CCBE1: variants seen among roughly 807,000 people sequenced by gnomAD.
The protein encoded by CCBE1 is collagen and calcium-binding EGF domain-containing protein 1.
Under a neutral mutation model 50.0 loss-of-function variants are expected in CCBE1, and 37 were observed. The ratio of observed to expected loss-of-function variants is 0.74; its 90% CI spans 0.57 to 0.97. CCBE1 has a LOEUF of 0.97. CCBE1 is among the 50% of genes least tolerant of loss of function. The probability of loss-of-function intolerance (pLI) is 0.00; values close to 1 mark genes in which losing one functional copy is unlikely to be tolerated. For synonymous variants in CCBE1, 234 were observed against 203.7 expected (o/e 1.15, Z -1.27); for missense variants, 538 against 523.8 (o/e 1.03, Z -0.26).
chr18:59,514,037 G>A (rs1306849534), intron 2 of CCBE1, among the ~76,000 whole-genome samples: 1 of 152,136 alleles, frequency 6.6e-6, no homozygotes, highest in Non-Finnish European at 1.5e-5. Flanking sequence ...CTTGCATGGG[G>A]CCGTGGCTTT....
At chr18:59,477,801 T>A (rs1912384238) in intron 3 of CCBE1, among the ~76,000 whole-genome samples, 1 of 152,178 alleles carries the variant, frequency 6.6e-6, no homozygotes, top group Non-Finnish European at 1.5e-5. Context: ...CAGATGAACA[T>A]ACAACTTTGT....
intron 2 of CCBE1, among the ~76,000 whole-genome samples, chr18:59,562,399 C>T (rs1447296986): frequency 1.3e-5 from 2 of 152,198 alleles, no homozygotes; most frequent in Non-Finnish European, 1.5e-5. Context: ...CAAACTGGTA[C>T]ACTTCAGAGA....
intron 2 of CCBE1, among the ~76,000 whole-genome samples, chr18:59,617,444 G>T (rs566319289): frequency 2.0e-5 from 3 of 152,304 alleles, no homozygotes; most frequent in East Asian, 1.9e-4. Context: ...TTGCCCAAAG[G>T]TCAGCTTAGA....
At position 59,469,702 on chromosome 18, in the gene CCBE1, C is replaced by T; in HGVS notation, c.266-95G>A. On this transcript the variant is annotated intron_variant, in intron 3 of 10. Transcript: ENST00000439986. ...AGGACTTTCTGGGCTGGGCTCTGCT[C>T]AAGGGCACGTGTGAAGTGTGGACAG... 7.9e-6 allele frequency: 12 copies of T among 1,523,910 alleles called. 1 individual carries two copies. The South Asian group carries it at 1.1e-4, about 14-fold the overall frequency. 94.4% of individuals were successfully genotyped at this position (1,523,910 alleles called of 1,614,324 possible).
At chr18:59,446,887 C>T (rs1404761401) in intron 7 of CCBE1, among the ~76,000 whole-genome samples, 2 of 152,160 alleles carry the variant, frequency 1.3e-5, no homozygotes, top group Non-Finnish European at 2.9e-5. Context: ...ATTCATAATG[C>T]CTAGCACACT....
At chr18:59,585,703 G>A (rs1488262940) in intron 2 of CCBE1, among the ~76,000 whole-genome samples, 1 of 152,202 alleles carries the variant, frequency 6.6e-6, no homozygotes, top group Non-Finnish European at 1.5e-5. Flanking sequence ...CTGGCACCCT[G>A]ATCCACTCCT....
Position 59,435,864 on chromosome 18 carries a change from G to A in CCBE1, c.*44C>T, listed in dbSNP as rs1217748682. 1.0e-5 allele frequency: 16 copies of A among 1,524,448 alleles called. No homozygotes were observed. Among genetic ancestry groups the A allele is most frequent in the Non-Finnish European group, 1.3e-5 (14 of 1,098,300 alleles). The allele number at this position is 1,524,448 out of a possible 1,614,324, so 94.4% of individuals were successfully genotyped here. A position where few individuals can be genotyped will look rare whatever the true frequency, so the allele number is the denominator to read the frequency against. On this transcript the variant is annotated 3_prime_UTR_variant, in exon 11 of 11. Transcript: ENST00000439986. ...CTCTTTAGATGGTTTAACTGCAGGT[G>A]AGTTGATCTTTCTCTTCCTTTGGCG...
At chr18:59,697,100 G>A in intron 1 of CCBE1, 112 bp downstream of exon 1, 1 of 1,405,876 alleles carries the variant, frequency 7.1e-7, no homozygotes, top group Non-Finnish European at 9.7e-7. Context: ...CCGGAGAAGT[G>A]AGGGCGTGCG....
In CCBE1 at chr18:59,497,949, C is replaced by T. The variant is rs868397603; in HGVS notation, c.213-17711G>A. On this transcript the variant is annotated intron_variant, in intron 2 of 10. Coordinates refer to ENST00000439986, the MANE Select transcript of CCBE1 (RefSeq NM_133459.4). ...CAGGGCTCTAAACAAACATGAACCC[C>T]GTGGATCATGCTGGCTGACTGGTCG... is the stretch of plus-strand genomic sequence containing the variant. Among the ~76,000 whole-genome samples, 5 of 152,316 alleles carry T rather than the reference C, an allele frequency of 3.3e-5. No homozygotes were observed. The South Asian group carries it at 6.2e-4, about 19-fold the overall frequency.
chr18:59,697,388 C>A lies in CCBE1; in HGVS notation c.-46G>T. 2 of 1,534,206 alleles carry A rather than the reference C, an allele frequency of 1.3e-6. No individual in the cohort carries two copies. The highest frequency in any genetic ancestry group is 1.8e-6 in the Non-Finnish European group (2 of 1,142,290). On this transcript the variant is annotated 5_prime_UTR_variant, in exon 1 of 11. Transcript: ENST00000439986. ...TCCCAGCGCCGAGCTCCGTCCGGAC[C>A]AAGCGTCCTGCTCCTCCGCGGCCGC...
intron 2 of CCBE1, among the ~76,000 whole-genome samples, chr18:59,481,306 A>T (rs1323137760): frequency 1.4e-5 from 2 of 146,912 alleles, no homozygotes; most frequent in African/African-American, 5.2e-5. Flanking sequence ...AAAAAGACTT[A>T]AAAAAAGGAA....
At chr18:59,488,878 C>G (rs1912954711) in intron 2 of CCBE1, among the ~76,000 whole-genome samples, 1 of 152,070 alleles carries the variant, frequency 6.6e-6, no homozygotes, top group African/African-American at 2.4e-5. Flanking sequence ...GTTGTGTCTC[C>G]CCCACCGAGC....
At chr18:59,457,028 A>G (rs1911225436) in intron 5 of CCBE1, among the ~76,000 whole-genome samples, 1 of 152,244 alleles carries the variant, frequency 6.6e-6, no homozygotes, top group African/African-American at 2.4e-5. Context: ...CACAAGTGAC[A>G]GTGTAATTGT....
intron 2 of CCBE1, among the ~76,000 whole-genome samples, chr18:59,663,591 T>A (rs897492232): frequency 6.6e-6 from 1 of 151,984 alleles, no homozygotes; most frequent in Non-Finnish European, 1.5e-5. Context: ...CAGGAGGATG[T>A]CTCTGTAAGC....
intron 2 of CCBE1, among the ~76,000 whole-genome samples, chr18:59,495,413 A>G (rs1288408527): frequency 6.0e-5 from 6 of 99,754 alleles, no homozygotes; most frequent in Admixed American, 3.3e-4. Flanking sequence ...TTTTTTTTCC[A>G]GAGCGGGAAA....
Position 59,697,119 on chromosome 18 carries a change from T to C in CCBE1, c.131+93A>G, listed in dbSNP as rs532467369. The C allele has an allele frequency of 1.4e-3, 2,130 of 1,508,126 alleles. 2 individuals are homozygous for C. The highest frequency in any genetic ancestry group is 1.6e-3 in the Non-Finnish European group (1,786 of 1,115,496). 93.4% of individuals were successfully genotyped at this position (1,508,126 alleles called of 1,614,324 possible). On this transcript the variant is annotated intron_variant, in intron 1 of 10. Coordinates refer to ENST00000439986, the MANE Select transcript of CCBE1 (RefSeq NM_133459.4). ...AGAAGTGAGGGCGTGCGGATCGCTGTGGGAGTGGGCGCCGGGGAGGACCGC... is the reference window on the plus strand; with the variant it reads ...AGAAGTGAGGGCGTGCGGATCGCTGCGGGAGTGGGCGCCGGGGAGGACCGC...
chr18:59,685,551 G>C (rs2054643402), intron 2 of CCBE1, among the ~76,000 whole-genome samples: 1 of 152,198 alleles, frequency 6.6e-6, no homozygotes, highest in Non-Finnish European at 1.5e-5. Flanking sequence ...TTCTCCTCAA[G>C]TTTAAGTCAG....
intron 3 of CCBE1, among the ~76,000 whole-genome samples, chr18:59,470,894 C>T (rs987086874): frequency 9.2e-5 from 14 of 152,194 alleles, no homozygotes; most frequent in Non-Finnish European, 2.9e-5. Flanking sequence ...TATTGTGCCA[C>T]TCTCACGATG....
chr18:59,472,550 G>A (rs1267663356), intron 3 of CCBE1, among the ~76,000 whole-genome samples: 1 of 152,178 alleles, frequency 6.6e-6, no homozygotes, highest in Non-Finnish European at 1.5e-5. Flanking sequence ...TAGGTCTGCT[G>A]CACAGCAGCT....
Sources: gnomAD v4.1 joint callset for allele counts (sites outside exome capture counted in the v4.1 genomes callset) on GRCh38, gnomAD v4.1.1 for gene constraint, MANE v1.5 for transcripts, NCBI Gene and HGNC (gene_info 2026-07-23, HGNC 2026-07-21) for gene names.